Variants in TRA2B observed in about 807,000 individuals in gnomAD.
TRA2B encodes transformer-2 protein homolog beta.
In TRA2B, 14 loss-of-function variants were observed where a neutral mutation model predicts 41.7. That is an observed-to-expected ratio of 0.34 (90% confidence interval 0.22 to 0.53). The LOEUF (loss-of-function observed/expected upper bound fraction) is 0.53. TRA2B is among the 20% of genes least tolerant of loss of function. The pLI is 0.95. For missense variants in TRA2B, 167 were observed against 396.8 expected (o/e 0.42, Z 4.92); for synonymous variants, 130 against 128.8 (o/e 1.01, Z -0.06).
chr3:185,921,935 A>G (rs1743760155), intron 5 of TRA2B, 76 bp downstream of exon 5: 1 of 1,082,420 alleles, frequency 9.2e-7, no homozygotes, highest in Admixed American at 2.1e-5. Context: ...TAAGTGCTGA[A>G]GACTTTCCAC....
chr3:185,925,323 ACTCTCT>A (rs927862538), intron 3 of TRA2B, 135 bp downstream of exon 3: 88 of 950,580 alleles, frequency 9.3e-5, no homozygotes, highest in Non-Finnish European at 1.1e-4. Context: ...AACTTAAAAG[ACTCTCT>A]CAAAACACTA....
Position 185,916,949 on chromosome 3 carries a change from CAA to C in TRA2B, c.*764_*765del, listed in dbSNP as rs1300820357. On this transcript the variant is annotated 3_prime_UTR_variant, in exon 9 of 9. Coordinates refer to ENST00000453386, the MANE Select transcript of TRA2B (RefSeq NM_004593.3). ...TCATATAGTCTAAAAGCTAGAAGAA[CAA>C]GAGTGTATTTGTGGTGGAATGTATT... 6.6e-6 allele frequency: 1 copy of C among 152,616 alleles called. No individual in the cohort carries two copies. The allele number at this position is 152,616 out of a possible 1,614,324, so 9.5% of individuals were successfully genotyped here.
chr3:185,929,159 G>C (rs184528243), intron 1 of TRA2B: 1 of 152,172 alleles, frequency 6.6e-6, no homozygotes, highest in African/African-American at 2.4e-5. Flanking sequence ...ACACCTAAAC[G>C]TCTCGATCCT....
In TRA2B at chr3:185,924,076, T is replaced by G. The variant is rs1340823683; in HGVS notation, c.334-92A>C. ...AGCTGTATACTAGCCAAAATGTCAC[T>G]AACAAGAAAAGTACATAATGATTAG... On this transcript the variant is annotated intron_variant, in intron 3 of 8. Transcript: ENST00000453386. 1.2e-5 allele frequency: 13 copies of G among 1,129,472 alleles called. 1 individual carries two copies. The allele number at this position is 1,129,472 out of a possible 1,614,324, so 70.0% of individuals were successfully genotyped here.
At position 185,936,744 on chromosome 3, in the gene TRA2B, T is replaced by A. The variant is rs1465433152; in HGVS notation, c.36+1081A>T. ...AAAATCAATTTCTATGGTGCTTTTC[T>A]ATCACCCTTCTAACAGATTCCTCTT... On this transcript the variant is annotated intron_variant, in intron 1 of 8. Coordinates refer to ENST00000453386, the MANE Select transcript of TRA2B (RefSeq NM_004593.3). 4.1e-6 allele frequency: 4 copies of A among 985,230 alleles called. No individual in the cohort carries two copies. In the African/African-American group the frequency reaches 7.0e-5, roughly 17 times the overall value. 61.0% of individuals were successfully genotyped at this position (985,230 alleles called of 1,614,324 possible). A position where few individuals can be genotyped will look rare whatever the true frequency, so the allele number is the denominator to read the frequency against.
At chr3:185,931,982 T>A in intron 1 of TRA2B, 1 of 635,500 alleles carries the variant, frequency 1.6e-6, no homozygotes, top group East Asian at 3.4e-5. Flanking sequence ...GAAACTAGAA[T>A]ATGCAGCTCA....
intron 1 of TRA2B, among the ~76,000 whole-genome samples, chr3:185,929,258 T>C (rs918632953): frequency 6.6e-6 from 1 of 152,188 alleles, no homozygotes; most frequent in African/African-American, 2.4e-5. Flanking sequence ...GGCAAGGGAA[T>C]AAAACTTGCC....
intron 5 of TRA2B, among the ~76,000 whole-genome samples, 196 bp from the exon 6 acceptor site, chr3:185,921,383 A>G (rs1743727806): frequency 6.6e-6 from 1 of 152,224 alleles, no homozygotes; most frequent in Non-Finnish European, 1.5e-5. Flanking sequence ...ATCTTTGGTT[A>G]AGGAGGCACA....
chr3:185,931,689 C>G, intron 1 of TRA2B: 2 of 1,296,008 alleles, frequency 1.5e-6, no homozygotes, highest in South Asian at 4.7e-5. Flanking sequence ...CCACTTCACA[C>G]AAATTGCTCA....
At position 185,915,769 on chromosome 3, in the gene TRA2B, G is replaced by A. The variant is rs1174574918; in HGVS notation, c.*1946C>T. 1 of 152,134 alleles carries A rather than the reference G, an allele frequency of 6.6e-6. No homozygotes were observed. The highest frequency in any genetic ancestry group is 1.5e-5 in the Non-Finnish European group (1 of 68,010). 9.4% of individuals were successfully genotyped at this position (152,134 alleles called of 1,614,324 possible). ...CTCAGGCTTTAGGATAGAAACCGAGGGTTATGTTCGAGATTATCAGGAGTG... is the reference window on the plus strand; with the variant it reads ...CTCAGGCTTTAGGATAGAAACCGAGAGTTATGTTCGAGATTATCAGGAGTG... On this transcript the variant is annotated 3_prime_UTR_variant, in exon 9 of 9. Transcript: ENST00000453386.
Position 185,917,375 on chromosome 3 carries a change from T to G in TRA2B, c.*340A>C, listed in dbSNP as rs1743538596. The G allele has an allele frequency of 3.6e-6, 1 of 279,518 alleles. No individual in the cohort carries two copies. Among genetic ancestry groups the G allele is most frequent in the South Asian group, 1.3e-4 (1 of 7,682 alleles). 17.3% of individuals were successfully genotyped at this position (279,518 alleles called of 1,614,324 possible). ...TGCTTTTTGCCATTTGGTAGCATTT[T>G]ACACAGGCTTCGATCTTCAGAATAC... On this transcript the variant is annotated 3_prime_UTR_variant, in exon 9 of 9. Coordinates refer to ENST00000453386, the MANE Select transcript of TRA2B (RefSeq NM_004593.3).
At chr3:185,925,689 G>A (rs975137386) in intron 2 of TRA2B, 63 bp from the exon 3 acceptor site, 2 of 1,488,846 alleles carry the variant, frequency 1.3e-6, no homozygotes, top group Non-Finnish European at 1.8e-6. Flanking sequence ...TTATTACTCT[G>A]TTCTAAAGTT....
chr3:185,929,939 A>T (rs1744087402), intron 1 of TRA2B, among the ~76,000 whole-genome samples: 1 of 152,022 alleles, frequency 6.6e-6, no homozygotes, highest in Non-Finnish European at 1.5e-5. Context: ...CATTAATCAG[A>T]CCTCTGATTA....
In TRA2B at chr3:185,930,064, G is replaced by A. The variant is rs549209580; in HGVS notation, c.37-3330C>T. On this transcript the variant is annotated intron_variant, in intron 1 of 8. Coordinates refer to ENST00000453386, the MANE Select transcript of TRA2B (RefSeq NM_004593.3). ...ACCCACAGATGCTTTGGTCAAGGGG[G>A]AAAACAAAAACAAATGGACACAATG... Among the ~76,000 whole-genome samples, 85 of 152,208 alleles carry A rather than the reference G, an allele frequency of 5.6e-4. 1 individual carries two copies. The highest frequency in any genetic ancestry group is 2.0e-3 in the African/African-American group (82 of 41,524).
intron 1 of TRA2B, 145 bp from the exon 2 acceptor site, chr3:185,926,879 G>A (rs1377097543): frequency 6.8e-6 from 6 of 888,562 alleles, no homozygotes; most frequent in Non-Finnish European, 9.9e-6. Context: ...GAATATACCT[G>A]GTGTTAATAG....
chr3:185,919,589 G>T, intron 6 of TRA2B, 93 bp from the exon 7 acceptor site: 1 of 1,014,880 alleles, frequency 9.9e-7, no homozygotes, highest in Non-Finnish European at 1.4e-6. Flanking sequence ...CTTTCATAGA[G>T]CATGAATGAG....
chr3:185,928,086 G>A (rs1357197428), intron 1 of TRA2B: 2 of 152,184 alleles, frequency 1.3e-5, no homozygotes, highest in African/African-American at 2.4e-5. Context: ...ATTCTTGAAA[G>A]GACAGTAGAG....
intron 1 of TRA2B, among the ~76,000 whole-genome samples, chr3:185,932,714 AAT>A (rs1744196448): frequency 6.6e-6 from 1 of 152,202 alleles, no homozygotes; most frequent in Non-Finnish European, 1.5e-5. Context: ...TTGATCTGTA[AAT>A]GTCTGTTGAA....
intron 1 of TRA2B, chr3:185,935,303 C>A: frequency 1.0e-6 from 1 of 985,336 alleles, no homozygotes; most frequent in Non-Finnish European, 1.2e-6. Context: ...GCTAATTAGA[C>A]CCCTATAGAC....
Sources: gnomAD v4.1 joint callset for allele counts (sites outside exome capture counted in the v4.1 genomes callset) on GRCh38, gnomAD v4.1.1 for gene constraint, MANE v1.5 for transcripts, NCBI Gene and HGNC (gene_info 2026-07-23, HGNC 2026-07-21) for gene names.